SPAST: variants seen among roughly 807,000 people sequenced by gnomAD.
SPAST encodes spastin.
A neutral mutation model predicts 76.6 loss-of-function variants in SPAST; 30 were observed. The ratio of observed to expected loss-of-function variants is 0.39; its 90% CI spans 0.29 to 0.53. The LOEUF is 0.53. Among genes scored for constraint, SPAST ranks in the 20% least tolerant of loss-of-function variants. The pLI is 0.68. For missense variants in SPAST, 717 were observed against 770.5 expected (o/e 0.93, Z 0.82); for synonymous variants, 305 against 281.0 (o/e 1.09, Z -0.86).
intron 1 of SPAST, among the ~76,000 whole-genome samples, chr2:32,079,625 A>ATC (rs111385117): frequency 0.41 from 59,833 of 144,768 alleles, 12,832 homozygotes; most frequent in East Asian, 0.63. Flanking sequence ...CAGTAGCACA[A>ATC]TCAACTCACT....
At chr2:32,101,409 G>T (rs943522465) in intron 4 of SPAST, among the ~76,000 whole-genome samples, 1 of 152,020 alleles carries the variant, frequency 6.6e-6, no homozygotes, top group African/African-American at 2.4e-5. Flanking sequence ...CCATTCTATA[G>T]GTTGCCTGTT....
intron 4 of SPAST, among the ~76,000 whole-genome samples, chr2:32,112,548 A>G (rs2148730972): frequency 6.6e-6 from 1 of 152,172 alleles, no homozygotes; most frequent in African/African-American, 2.4e-5. Flanking sequence ...GGGTTTCACC[A>G]CATTGGTCAG....
chr2:32,127,698 A>T (rs1434821967), intron 8 of SPAST: 2 of 150,274 alleles, frequency 1.3e-5, no homozygotes, highest in African/African-American at 2.5e-5. Flanking sequence ...AGTTTTTATC[A>T]GGCTCTGGAT....
chr2:32,082,564 C>G (rs2148704519), intron 1 of SPAST, among the ~76,000 whole-genome samples: 1 of 152,034 alleles, frequency 6.6e-6, no homozygotes, highest in Admixed American at 6.6e-5. Context: ...GGCGTGGTGG[C>G]ACGTGCCTTT....
intron 4 of SPAST, among the ~76,000 whole-genome samples, chr2:32,101,777 A>G (rs1317047406): frequency 6.6e-6 from 1 of 152,142 alleles, no homozygotes; most frequent in Non-Finnish European, 1.5e-5. Flanking sequence ...CAAAGATCAC[A>G]TGGTTGTAGA....
chr2:32,151,889 C>T (rs922136271), intron 16 of SPAST, among the ~76,000 whole-genome samples: 7 of 147,642 alleles, frequency 4.7e-5, no homozygotes, highest in South Asian at 4.3e-4. Flanking sequence ...CCAGTCTGTG[C>T]GACAGGAGCG....
chr2:32,143,631 G>A (rs1293369813), intron 14 of SPAST, among the ~76,000 whole-genome samples: 1 of 152,080 alleles, frequency 6.6e-6, no homozygotes, highest in Non-Finnish European at 1.5e-5. Context: ...TTTGCAAGAC[G>A]TGATCTAATG....
intron 1 of SPAST, among the ~76,000 whole-genome samples, chr2:32,070,191 G>A (rs1050297490): frequency 7.9e-5 from 12 of 151,086 alleles, no homozygotes; most frequent in Non-Finnish European, 1.2e-4. Context: ...TCAGTCTCCC[G>A]AGTAGCTGGT....
intron 13 of SPAST, among the ~76,000 whole-genome samples, chr2:32,142,288 T>C (rs977937356): frequency 2.0e-5 from 3 of 152,218 alleles, no homozygotes; most frequent in Non-Finnish European, 4.4e-5. Context: ...TTATACATGC[T>C]GCATACTCAC....
intron 1 of SPAST, among the ~76,000 whole-genome samples, chr2:32,068,387 T>G (rs1285706491): frequency 6.6e-6 from 1 of 150,924 alleles, no homozygotes. Context: ...AATGGCGCGA[T>G]CTCAGCTCAC....
At chr2:32,126,839 C>A (rs1174052182) in intron 7 of SPAST, 109 bp from the exon 8 acceptor site, 9 of 717,806 alleles carry the variant, frequency 1.3e-5, no homozygotes, top group Non-Finnish European at 2.0e-5. Context: ...AAGCTATGGG[C>A]AGCTCTGTTT....
intron 1 of SPAST, among the ~76,000 whole-genome samples, chr2:32,084,822 G>T (rs1328668483): frequency 6.8e-6 from 1 of 147,150 alleles, no homozygotes; most frequent in Non-Finnish European, 1.5e-5. Context: ...GGGAAATGGA[G>T]GTTGTAGTGA....
At chr2:32,136,310 C>G (rs1679535031) in intron 9 of SPAST, among the ~76,000 whole-genome samples, 1 of 152,082 alleles carries the variant, frequency 6.6e-6, no homozygotes. Flanking sequence ...ATTTCATTCT[C>G]AAGTCTTAGG....
chr2:32,154,332 CTGT>C, intron 16 of SPAST, 39 bp from the exon 17 acceptor site: 1 of 1,573,374 alleles, frequency 6.4e-7, no homozygotes, highest in Non-Finnish European at 8.7e-7. Flanking sequence ...CACCATATAC[CTGT>C]TGATCATTTG....
intron 3 of SPAST, 120 bp downstream of exon 3, chr2:32,089,725 A>G (rs1677635772): frequency 1.4e-6 from 1 of 689,680 alleles, no homozygotes; most frequent in Non-Finnish European, 2.6e-6. Context: ...TTTAACATAA[A>G]GAAAACGTAT....
At chr2:32,127,274 C>A (rs1392650170) in intron 8 of SPAST, 2 of 471,976 alleles carry the variant, frequency 4.2e-6, no homozygotes, top group Non-Finnish European at 7.7e-6. Context: ...CACGCCACCA[C>A]ACCTGTCTAG....
intron 1 of SPAST, among the ~76,000 whole-genome samples, chr2:32,079,246 G>A (rs1198633023): frequency 2.0e-5 from 3 of 152,100 alleles, no homozygotes; most frequent in African/African-American, 4.8e-5. Context: ...GCTGGGTGCG[G>A]TGGCTCACGC....
chr2:32,141,607 T>C (rs562387055), intron 12 of SPAST, among the ~76,000 whole-genome samples: 1 of 152,354 alleles, frequency 6.6e-6, no homozygotes, highest in Admixed American at 6.5e-5. Context: ...CTGATTTTAG[T>C]TTTTTTCAGA....
At position 32,154,424 on chromosome 2, in the gene SPAST, A is replaced by G. The variant is rs1422062736; in HGVS notation, c.1779A>G (p.Lys593=). ...TCACTGAATCCTTGAAAAAAATAAA[A>G]CGCAGCGTCAGCCCTCAAACTTTAG... ...SDFTESLKKI[K]RSVSPQTLEA... Residue 593 remains lysine, a synonymous_variant, in exon 17 of 17, where the codon AAA becomes AAG. Coordinates refer to ENST00000315285, the MANE Select transcript of SPAST (RefSeq NM_014946.4). The G allele has an allele frequency of 6.2e-7, 1 of 1,613,286 alleles. No homozygotes were observed. The highest frequency in any genetic ancestry group is 8.5e-7 in the Non-Finnish European group (1 of 1,179,226).
Sources: gnomAD v4.1 joint callset for allele counts (sites outside exome capture counted in the v4.1 genomes callset) on GRCh38, gnomAD v4.1.1 for gene constraint, MANE v1.5 for transcripts, NCBI Gene and HGNC (gene_info 2026-07-23, HGNC 2026-07-21) for gene names.